The following ATF6B variants were observed in gnomAD, a reference collection of about 807,000 sequenced individuals.
The protein encoded by ATF6B is activating transcription factor 6 beta.
ATF6B carries 50 observed loss-of-function variants against 83.5 expected under a neutral mutation model. The observed-to-expected ratio is 0.60, with a 90% CI of 0.48 to 0.76. ATF6B has a LOEUF of 0.76. Ranked by LOEUF, ATF6B falls within the 30% of genes least tolerant of loss-of-function variation. ATF6B has a pLI of 0.00. For missense variants in ATF6B, 790 were observed against 893.8 expected, an observed-to-expected ratio of 0.88 and a Z score of 1.48; for synonymous variants, 344 against 362.8, an observed-to-expected ratio of 0.95 and a Z score of 0.59.
In ATF6B at chr6:32,115,705, T is replaced by TC. The variant is rs771430253; in HGVS notation, c.*33dup. ...TCCCACCTGGCCACCTGGTACCCCC[T>TC]CCCCCCGTTCTAAGTCAGTGTGAAT... is the stretch of plus-strand genomic sequence containing the variant. On this transcript the variant is annotated 3_prime_UTR_variant, in exon 18 of 18. Coordinates refer to ENST00000375203, the MANE Select transcript of ATF6B (RefSeq NM_004381.5). 5.9e-6 allele frequency: 9 copies of TC among 1,520,784 alleles called. No homozygotes were observed. In the East Asian group the frequency reaches 9.1e-5, roughly 15 times the overall value. The allele number at this position is 1,520,784 out of a possible 1,614,324, so 94.2% of individuals were successfully genotyped here.
intron 5 of ATF6B, among the ~76,000 whole-genome samples, chr6:32,123,412 A>G (rs1249464491): frequency 1.3e-5 from 2 of 152,080 alleles, no homozygotes; most frequent in African/African-American, 4.8e-5. Context: ...CAAAGCCACC[A>G]ACAATCCTTA....
At chr6:32,127,279 C>A (rs1782021433) in intron 3 of ATF6B, 85 bp from the exon 4 acceptor site, 1 of 1,399,500 alleles carries the variant, frequency 7.1e-7, no homozygotes, top group Non-Finnish European at 9.8e-7. Flanking sequence ...GGTGGGGATT[C>A]CTGTACCGCA....
Sources: gnomAD v4.1 joint callset for allele counts (sites outside exome capture counted in the v4.1 genomes callset) on GRCh38, gnomAD v4.1.1 for gene constraint, MANE v1.5 for transcripts, NCBI Gene and HGNC (gene_info 2026-07-23, HGNC 2026-07-21) for gene names.